The following SLC24A2 variants were observed in gnomAD, a reference collection of about 807,000 sequenced individuals.
The protein encoded by SLC24A2 is sodium/potassium/calcium exchanger 2.
In SLC24A2, 36 loss-of-function variants were observed where a neutral mutation model predicts 62.0. That is an observed-to-expected ratio of 0.58 (90% CI 0.44 to 0.77). The LOEUF (loss-of-function observed/expected upper bound fraction) is 0.77. SLC24A2 is among the 30% of genes least tolerant of loss of function. The probability of loss-of-function intolerance (pLI) is 0.00; values close to 1 mark genes in which losing one functional copy is unlikely to be tolerated. For missense variants in SLC24A2, 846 were observed against 817.9 expected (o/e 1.03, Z -0.42); for synonymous variants, 358 against 294.0 (o/e 1.22, Z -2.23).
intron 2 of SLC24A2, among the ~76,000 whole-genome samples, chr9:19,754,908 C>T (rs1333204182): frequency 6.6e-6 from 1 of 152,114 alleles, no homozygotes; most frequent in Non-Finnish European, 1.5e-5. Context: ...GCTCCACAGG[C>T]CTTTCAATGA....
At chr9:19,745,005 G>T (rs1313767914) in intron 2 of SLC24A2, among the ~76,000 whole-genome samples, 1 of 152,170 alleles carries the variant, frequency 6.6e-6, no homozygotes, top group Non-Finnish European at 1.5e-5. Flanking sequence ...GTTGAAATGT[G>T]ACCTAGCATG....
the SLC24A2 span, among the ~76,000 whole-genome samples, chr9:20,197,427 C>CTTTTTTTTTT: frequency 2.1e-5 from 2 of 93,160 alleles, no homozygotes; most frequent in East Asian, 3.6e-4. Context: ...CTCTCTCTCT[C>CTTTTTTTTTT]TTTTTTTTTT....
chr9:19,784,231 A>T (rs971565906), intron 2 of SLC24A2, among the ~76,000 whole-genome samples: 1 of 152,224 alleles, frequency 6.6e-6, no homozygotes, highest in Non-Finnish European at 1.5e-5. Context: ...GCTATTTCTA[A>T]AACGCATGAA....
the SLC24A2 span, among the ~76,000 whole-genome samples, chr9:20,290,975 C>T: frequency 6.6e-6 from 1 of 152,120 alleles, no homozygotes; most frequent in Admixed American, 6.5e-5. Context: ...TGGCCCTGCA[C>T]CAAGGTACAC....
At chr9:19,596,379 T>C (rs1488943044) in intron 5 of SLC24A2, among the ~76,000 whole-genome samples, 1 of 152,218 alleles carries the variant, frequency 6.6e-6, no homozygotes, top group Non-Finnish European at 1.5e-5. Flanking sequence ...TAAATGTTTT[T>C]CATAACTTAC....
At chr9:19,577,105 G>C (rs980214804) in intron 5 of SLC24A2, 83 bp from the exon 6 acceptor site, 3 of 1,037,726 alleles carry the variant, frequency 2.9e-6, no homozygotes, top group Non-Finnish European at 4.6e-6. Context: ...GGCCTCCTCA[G>C]TCACGCTGCA....
At chr9:20,124,898 C>T in the SLC24A2 span, among the ~76,000 whole-genome samples, 1 of 152,172 alleles carries the variant, frequency 6.6e-6, no homozygotes, top group Non-Finnish European at 1.5e-5. Context: ...ATAAGACCAT[C>T]AAATGCATAA....
chr9:19,996,469 G>A, the SLC24A2 span, among the ~76,000 whole-genome samples: 4 of 152,154 alleles, frequency 2.6e-5, no homozygotes, highest in African/African-American at 4.8e-5. Flanking sequence ...TGCCAGGTGC[G>A]GTGGCTTATG....
At chr9:19,857,759 T>C in the SLC24A2 span, among the ~76,000 whole-genome samples, 70,209 of 149,334 alleles carry the variant, frequency 0.47, 18,574 homozygotes, top group Non-Finnish European at 0.59. Flanking sequence ...TTTTTTTTTT[T>C]TGGTGTGCAG....
At chr9:19,557,687 A>G (rs571098502) in intron 7 of SLC24A2, among the ~76,000 whole-genome samples, 6 of 151,932 alleles carry the variant, frequency 3.9e-5, no homozygotes, top group African/African-American at 1.4e-4. Flanking sequence ...TGAGTATGTT[A>G]TTCATCCATC....
At chr9:19,531,028 G>A (rs1285025813) in intron 8 of SLC24A2, among the ~76,000 whole-genome samples, 1 of 151,918 alleles carries the variant, frequency 6.6e-6, no homozygotes, top group Non-Finnish European at 1.5e-5. Context: ...ATCATACCAG[G>A]CTCTGCTCTG....
the SLC24A2 span, among the ~76,000 whole-genome samples, chr9:19,936,811 A>G: frequency 6.6e-6 from 1 of 152,158 alleles, no homozygotes; most frequent in Non-Finnish European, 1.5e-5. Flanking sequence ...AAATGGGGAA[A>G]AAGAGGTTAA....
intron 2 of SLC24A2, among the ~76,000 whole-genome samples, chr9:19,763,957 T>C (rs1261594469): frequency 6.6e-6 from 1 of 152,204 alleles, no homozygotes; most frequent in Non-Finnish European, 1.5e-5. Flanking sequence ...TTTTTTTGGT[T>C]GGCAGGCTAT....
the SLC24A2 span, among the ~76,000 whole-genome samples, chr9:20,296,432 A>AT: frequency 0.012 from 1,893 of 152,340 alleles, 23 homozygotes; most frequent in African/African-American, 0.041. Flanking sequence ...CATTTTAGAC[A>AT]TTTTTTATAA....
the SLC24A2 span, among the ~76,000 whole-genome samples, chr9:20,222,604 G>C: frequency 4.3e-3 from 648 of 152,114 alleles, 4 homozygotes; most frequent in Admixed American, 0.011. Context: ...CTTAAATAAA[G>C]TACTAGCAAA....
chr9:20,224,240 T>C, the SLC24A2 span, among the ~76,000 whole-genome samples: 2 of 151,746 alleles, frequency 1.3e-5, no homozygotes, highest in Non-Finnish European at 2.9e-5. Context: ...GAATTTAAAA[T>C]GTTTAGAAGA....
At chr9:20,234,765 GT>G in the SLC24A2 span, among the ~76,000 whole-genome samples, 4 of 152,178 alleles carry the variant, frequency 2.6e-5, no homozygotes, top group Non-Finnish European at 4.4e-5. Flanking sequence ...TCTGTTGCTG[GT>G]GGGGAGCTGT....
chr9:19,761,173 C>G (rs1208398097), intron 2 of SLC24A2, among the ~76,000 whole-genome samples: 4 of 151,928 alleles, frequency 2.6e-5, no homozygotes, highest in Non-Finnish European at 5.9e-5. Context: ...GGGTATGTAC[C>G]CAGTAATTAG....
chr9:20,078,007 G>T, the SLC24A2 span, among the ~76,000 whole-genome samples: 3 of 143,456 alleles, frequency 2.1e-5, no homozygotes, highest in Non-Finnish European at 4.7e-5. Context: ...TGCTGGTGAG[G>T]AGGGGCACAG....
Sources: allele counts gnomAD v4.1 joint callset (sites outside exome capture counted in the v4.1 genomes callset), GRCh38; gene constraint gnomAD v4.1.1; transcripts MANE v1.5; gene names NCBI Gene and HGNC (gene_info 2026-07-23, HGNC 2026-07-21).